The following GRM5 variants were observed in gnomAD, a reference collection of about 807,000 sequenced individuals.
GRM5 encodes the protein metabotropic glutamate receptor 5.
Under a neutral mutation model 83.1 loss-of-function variants are expected in GRM5, and 19 were observed. That is an observed-to-expected ratio of 0.23 (90% CI 0.16 to 0.34). The LOEUF is 0.34. Among genes scored for constraint, GRM5 ranks in the 10% least tolerant of loss-of-function variants. The probability of loss-of-function intolerance (pLI) is 1.00; values close to 1 mark genes in which losing one functional copy is unlikely to be tolerated. For synonymous variants in GRM5, 675 were observed against 633.6 expected, an observed-to-expected ratio of 1.07 and a Z score of -0.98; for missense variants, 1,160 against 1,588.3, an observed-to-expected ratio of 0.73 and a Z score of 4.58.
intron 6 of GRM5, 100 bp from the exon 7 acceptor site, chr11:88,590,827 A>T (rs971362504): frequency 5.5e-6 from 4 of 720,800 alleles, no homozygotes; most frequent in Admixed American, 4.7e-5. Flanking sequence ...AAGGCCTTTC[A>T]CATACATTAT....
chr11:88,986,727 CTTTTT>C (rs60281684), intron 2 of GRM5, among the ~76,000 whole-genome samples: 2 of 93,116 alleles, frequency 2.1e-5, no homozygotes, highest in Admixed American at 1.4e-4. Context: ...TTTATTTTTG[CTTTTT>C]TTTTTTTTTT....
At chr11:88,856,144 A>T (rs191425835) in intron 2 of GRM5, among the ~76,000 whole-genome samples, 3 of 152,156 alleles carry the variant, frequency 2.0e-5, no homozygotes, top group African/African-American at 7.2e-5. Context: ...CAATATAAAC[A>T]ATTATTTTAA....
At chr11:88,716,885 A>T (rs1941411539) in intron 3 of GRM5, among the ~76,000 whole-genome samples, 1 of 151,906 alleles carries the variant, frequency 6.6e-6, no homozygotes, top group South Asian at 2.1e-4. Flanking sequence ...TAGTGACCAT[A>T]AATTCACTCA....
At chr11:88,648,936 ACT>A (rs1939545133) in intron 4 of GRM5, among the ~76,000 whole-genome samples, 1 of 151,014 alleles carries the variant, frequency 6.6e-6, no homozygotes, top group African/African-American at 2.4e-5. Context: ...AAATTTTTAA[ACT>A]GATGCAATTC....
rs1942642568 is a variant in GRM5 at position 88,767,305 on chromosome 11, T to TC, written c.911+82600dup. ...TAACTAAAACAGAATTGCTATTTGA[T>TC]CCAGAAATCGCATTATTAGGCATAT... On this transcript the variant is annotated intron_variant, in intron 3 of 9. Transcript: ENST00000305447. Among the ~76,000 whole-genome samples, 4 of 151,938 alleles carry TC rather than the reference T, an allele frequency of 2.6e-5. No homozygotes were observed. The South Asian group carries it at 6.2e-4, about 24-fold the overall frequency.
At chr11:89,044,544 G>A (rs1423722148) in intron 2 of GRM5, among the ~76,000 whole-genome samples, 1 of 152,098 alleles carries the variant, frequency 6.6e-6, no homozygotes, top group Non-Finnish European at 1.5e-5. Flanking sequence ...TTAGGTTTAA[G>A]TATAAAACAC....
chr11:88,714,594 G>A (rs987858904), intron 3 of GRM5, among the ~76,000 whole-genome samples: 12 of 151,862 alleles, frequency 7.9e-5, no homozygotes, highest in African/African-American at 2.9e-4. Flanking sequence ...AGATGTAGTT[G>A]CAGTTTGATT....
chr11:88,509,598 C>G (rs1364279783), intron 9 of GRM5, 94 bp from the exon 10 acceptor site: 20 of 775,530 alleles, frequency 2.6e-5, no homozygotes, highest in Admixed American at 5.6e-5. Flanking sequence ...GGGCCCCGGA[C>G]TGGGGAGGAC....
intron 3 of GRM5, among the ~76,000 whole-genome samples, chr11:88,779,703 A>T (rs1380800053): frequency 6.6e-6 from 1 of 152,160 alleles, no homozygotes; most frequent in East Asian, 1.9e-4. Context: ...CCTAAGTTCT[A>T]TATTGCAGCT....
intron 2 of GRM5, among the ~76,000 whole-genome samples, chr11:88,990,278 C>T (rs1277058484): frequency 6.6e-6 from 1 of 152,082 alleles, no homozygotes; most frequent in Non-Finnish European, 1.5e-5. Flanking sequence ...TGGATAAATT[C>T]CTCGACCCAT....
chr11:88,534,984 T>A (rs1942101686), intron 8 of GRM5, among the ~76,000 whole-genome samples: 1 of 152,192 alleles, frequency 6.6e-6, no homozygotes, highest in Non-Finnish European at 1.5e-5. Flanking sequence ...AGATGGGACT[T>A]GCTTCTCCTT....
intron 4 of GRM5, among the ~76,000 whole-genome samples, chr11:88,618,721 A>G (rs1426551010): frequency 6.6e-6 from 1 of 152,196 alleles, no homozygotes; most frequent in Non-Finnish European, 1.5e-5. Flanking sequence ...GCATAATAAA[A>G]TGGTTCGTTT....
chr11:88,956,508 T>C (rs1273833238), intron 2 of GRM5, among the ~76,000 whole-genome samples: 2 of 152,154 alleles, frequency 1.3e-5, no homozygotes, highest in Non-Finnish European at 2.9e-5. Flanking sequence ...GTATGTAGTA[T>C]ATTAAAAAGA....
intron 2 of GRM5, among the ~76,000 whole-genome samples, chr11:88,922,955 G>T (rs1333939136): frequency 6.6e-6 from 1 of 152,062 alleles, no homozygotes; most frequent in Non-Finnish European, 1.5e-5. Flanking sequence ...TATACAAATG[G>T]CAAATGAGTA....
At chr11:88,925,130 A>T (rs1200246730) in intron 2 of GRM5, among the ~76,000 whole-genome samples, 1 of 152,068 alleles carries the variant, frequency 6.6e-6, no homozygotes, top group Admixed American at 6.6e-5. Flanking sequence ...GAAATGATCG[A>T]TTGGCCTCAA....
chr11:88,637,177 G>T (rs538996395), intron 4 of GRM5, among the ~76,000 whole-genome samples: 1 of 152,098 alleles, frequency 6.6e-6, no homozygotes, highest in African/African-American at 2.4e-5. Context: ...AGACTTAAAC[G>T]TTAGACCTAA....
At chr11:88,967,340 A>G in intron 2 of GRM5, among the ~76,000 whole-genome samples, 1 of 151,346 alleles carries the variant, frequency 6.6e-6, no homozygotes, top group Middle Eastern at 3.2e-3. Flanking sequence ...CCTACCACTT[A>G]TAGGGATAGA....
chr11:88,633,091 A>G (rs1208087531), intron 4 of GRM5, among the ~76,000 whole-genome samples: 2 of 152,236 alleles, frequency 1.3e-5, no homozygotes, highest in Admixed American at 6.5e-5. Flanking sequence ...GCTCAATATC[A>G]GTAATCATTA....
At chr11:89,054,003 G>C (rs553848925) in intron 1 of GRM5, among the ~76,000 whole-genome samples, 1 of 152,200 alleles carries the variant, frequency 6.6e-6, no homozygotes, top group Admixed American at 6.5e-5. Context: ...TGTTGAACCT[G>C]TTTGGACTTT....
Sources: allele counts gnomAD v4.1 joint callset (sites outside exome capture counted in the v4.1 genomes callset), GRCh38; gene constraint gnomAD v4.1.1; transcripts MANE v1.5; gene names NCBI Gene and HGNC (gene_info 2026-07-23, HGNC 2026-07-21).